NCAM2: variants seen among roughly 807,000 people sequenced by gnomAD.
NCAM2 encodes the protein N-CAM-2.
NCAM2 carries 30 observed loss-of-function variants against 98.1 expected under a neutral mutation model. The observed-to-expected ratio is 0.31, with a 90% CI of 0.23 to 0.41. The LOEUF is 0.41. NCAM2 is among the 10% of genes least tolerant of loss of function. The pLI, the probability that NCAM2 is intolerant of heterozygous loss-of-function variation, is 1.00. For missense variants in NCAM2, 867 were observed against 1,005.8 expected (o/e 0.86, Z 1.87); for synonymous variants, 368 against 342.4 (o/e 1.07, Z -0.83).
chr21:21,326,921 A>T (rs528746374), intron 6 of NCAM2, among the ~76,000 whole-genome samples: 1 of 152,186 alleles, frequency 6.6e-6, no homozygotes, highest in Non-Finnish European at 1.5e-5. Context: ...TCCTGAAAGT[A>T]TCAGGAAATG....
intron 10 of NCAM2, among the ~76,000 whole-genome samples, chr21:21,416,910 T>C (rs1050132657): frequency 1.9e-4 from 28 of 150,768 alleles, no homozygotes; most frequent in African/African-American, 6.8e-4. Context: ...TGTGTGTGTG[T>C]CTTAATCTAT....
chr21:21,372,667 A>C, intron 8 of NCAM2, among the ~76,000 whole-genome samples: 1 of 151,854 alleles, frequency 6.6e-6, no homozygotes, highest in East Asian at 1.9e-4. Flanking sequence ...ACTCAAATGC[A>C]TATTGTGCAT....
intron 1 of NCAM2, among the ~76,000 whole-genome samples, chr21:21,154,295 A>G (rs1039910105): frequency 1.3e-5 from 2 of 151,932 alleles, no homozygotes; most frequent in Non-Finnish European, 2.9e-5. Flanking sequence ...TTTGGTAAAG[A>G]ATGCAGTATG....
chr21:21,175,724 G>A (rs771360302), intron 1 of NCAM2, among the ~76,000 whole-genome samples: 40 of 152,126 alleles, frequency 2.6e-4, no homozygotes, highest in Admixed American at 9.8e-4. Context: ...AGAGTACCTA[G>A]TGTATTTATT....
intron 9 of NCAM2, among the ~76,000 whole-genome samples, chr21:21,385,371 A>AACACACACACAC (rs543136137): frequency 0.011 from 1,222 of 110,212 alleles, 9 homozygotes; most frequent in Middle Eastern, 0.018. Flanking sequence ...CACAATGTTA[A>AACACACACACAC]ACACACACAC....
chr21:21,156,668 C>T (rs1290150538), intron 1 of NCAM2, among the ~76,000 whole-genome samples: 1 of 151,880 alleles, frequency 6.6e-6, no homozygotes, highest in Non-Finnish European at 1.5e-5. Context: ...GTATGGTATT[C>T]TTTAATGATA....
intron 15 of NCAM2, among the ~76,000 whole-genome samples, chr21:21,477,768 G>A (rs897197308): frequency 1.3e-5 from 2 of 152,062 alleles, no homozygotes; most frequent in African/African-American, 2.4e-5. Flanking sequence ...TGTCTATTGA[G>A]GCCATACGAA....
rs562005956 is a variant in NCAM2 at position 21,374,785 on chromosome 21, T to C, written c.1195+772T>C. 3.9e-5 allele frequency among the ~76,000 whole-genome samples: 6 copies of C among 152,010 alleles called. No homozygotes were observed. The East Asian group carries it at 9.7e-4, about 25-fold the overall frequency. The stretch of plus-strand genomic sequence containing the variant: ...TAGTGGAATGTATGAGATATTCTTA[T>C]TGACAAAATATTTCTATTGGAGCAT... On this transcript the variant is annotated intron_variant, in intron 9 of 17. Transcript: ENST00000400546.
At chr21:21,227,767 G>A (rs1402193875) in intron 1 of NCAM2, among the ~76,000 whole-genome samples, 1 of 151,698 alleles carries the variant, frequency 6.6e-6, no homozygotes, top group Non-Finnish European at 1.5e-5. Context: ...TTGGCTATCT[G>A]AATGGAAAAA....
chr21:21,277,202 C>T (rs1208603975), intron 1 of NCAM2, among the ~76,000 whole-genome samples: 1 of 152,066 alleles, frequency 6.6e-6, no homozygotes, highest in Non-Finnish European at 1.5e-5. Flanking sequence ...CTATAACTAG[C>T]ACATGATAAG....
In NCAM2 at chr21:21,231,527, G is replaced by A. The variant is rs141900414; in HGVS notation, c.56-49051G>A. ...CATATTATTATGGACAATTGCTAAT[G>A]ACTCTATGTATTAAACTATGTTTCA... On this transcript the variant is annotated intron_variant, in intron 1 of 17. Transcript: ENST00000400546. Among the ~76,000 whole-genome samples the A allele has an allele frequency of 1.7e-3, 256 of 151,392 alleles. 1 individual carries two copies. Among genetic ancestry groups the A allele is most frequent in the African/African-American group, 5.6e-3 (232 of 41,466 alleles).
chr21:21,132,909 T>G (rs543342048), intron 1 of NCAM2, among the ~76,000 whole-genome samples: 4 of 152,332 alleles, frequency 2.6e-5, no homozygotes, highest in South Asian at 4.1e-4. Flanking sequence ...CCGTTAGACA[T>G]AACCACTTTT....
At chr21:21,448,640 A>G (rs1602372545) in intron 12 of NCAM2, among the ~76,000 whole-genome samples, 1 of 152,088 alleles carries the variant, frequency 6.6e-6, no homozygotes, top group African/African-American at 2.4e-5. Flanking sequence ...AGTATTTTCT[A>G]TGATTACACT....
chr21:21,369,605 C>A (rs751346913), intron 8 of NCAM2, among the ~76,000 whole-genome samples: 1 of 151,778 alleles, frequency 6.6e-6, no homozygotes, highest in Non-Finnish European at 1.5e-5. Flanking sequence ...CACATCCTGG[C>A]CAACATGTGT....
chr21:21,254,774 T>TC (rs148509690), intron 1 of NCAM2, among the ~76,000 whole-genome samples: 2,641 of 152,166 alleles, frequency 0.017, 79 homozygotes, highest in African/African-American at 0.06. Flanking sequence ...AATAAGAAGA[T>TC]CACCTCGGCG....
chr21:21,454,992 T>C (rs1981914621), intron 12 of NCAM2, among the ~76,000 whole-genome samples: 1 of 151,962 alleles, frequency 6.6e-6, no homozygotes, highest in Non-Finnish European at 1.5e-5. Context: ...GGGGAAATTA[T>C]CACAAATTTG....
intron 1 of NCAM2, among the ~76,000 whole-genome samples, chr21:21,151,851 T>A (rs1358070453): frequency 1.3e-5 from 2 of 152,066 alleles, no homozygotes; most frequent in African/African-American, 4.8e-5. Flanking sequence ...TATTTGTTCT[T>A]TTGTGCATTA....
chr21:21,163,348 A>G (rs1416781279), intron 1 of NCAM2, among the ~76,000 whole-genome samples: 1 of 152,168 alleles, frequency 6.6e-6, no homozygotes, highest in Non-Finnish European at 1.5e-5. Context: ...GTAGGAAGGT[A>G]GAAGAGAGAT....
intron 16 of NCAM2, among the ~76,000 whole-genome samples, chr21:21,533,166 C>CTT (rs201532023): frequency 1.2e-4 from 11 of 93,802 alleles, no homozygotes; most frequent in South Asian, 3.2e-4. Context: ...TGTTTGCTTG[C>CTT]TTTTTTTTTT....
Sources: allele counts gnomAD v4.1 joint callset (sites outside exome capture counted in the v4.1 genomes callset), GRCh38; gene constraint gnomAD v4.1.1; transcripts MANE v1.5; gene names NCBI Gene and HGNC (gene_info 2026-07-23, HGNC 2026-07-21).